Variants in FAM135B observed in about 807,000 individuals in gnomAD.
FAM135B encodes the protein family with sequence similarity 135 member B.
A neutral mutation model predicts 127.7 loss-of-function variants in FAM135B; 43 were observed. The observed-to-expected ratio is 0.34, with a 90% CI of 0.26 to 0.43. The LOEUF is 0.43. Ranked by LOEUF, FAM135B falls within the 20% of genes least tolerant of loss-of-function variation. FAM135B has a pLI of 1.00. For missense variants in FAM135B, 1,558 were observed against 1,725.6 expected, an observed-to-expected ratio of 0.90 and a Z score of 1.72; for synonymous variants, 670 against 665.1, an observed-to-expected ratio of 1.01 and a Z score of -0.11.
chr8:138,367,696 G>A (rs2131214762), intron 2 of FAM135B, among the ~76,000 whole-genome samples: 1 of 152,178 alleles, frequency 6.6e-6, no homozygotes, highest in South Asian at 2.1e-4. Context: ...AGATGAATTA[G>A]CACTTTCTAG....
In FAM135B at chr8:138,235,339, T is replaced by A. The variant is rs143336285; in HGVS notation, c.669+7603A>T. Among the ~76,000 whole-genome samples, 59 of 152,334 alleles carry A rather than the reference T, an allele frequency of 3.9e-4. No homozygotes were observed. In the Middle Eastern group the frequency reaches 0.01, roughly 26 times the overall value. On this transcript the variant is annotated intron_variant, in intron 7 of 19. Transcript: ENST00000395297. ...CATCACAAACCCCTTGCACAGTGCCTGAGACAGAGTTAATGCTTGATTAAT... is the reference window on the plus strand; with the variant it reads ...CATCACAAACCCCTTGCACAGTGCCAGAGACAGAGTTAATGCTTGATTAAT...
At chr8:138,410,296 G>C (rs1420665258) in intron 1 of FAM135B, among the ~76,000 whole-genome samples, 1 of 152,192 alleles carries the variant, frequency 6.6e-6, no homozygotes, top group Non-Finnish European at 1.5e-5. Flanking sequence ...GTAGCAGGCT[G>C]CTTCTAAGAT....
intron 12 of FAM135B, among the ~76,000 whole-genome samples, chr8:138,160,817 T>G (rs1819310215): frequency 8.1e-6 from 1 of 123,034 alleles, no homozygotes; most frequent in Non-Finnish European, 1.7e-5. Context: ...TCAAAACCTG[T>G]CATCCATTAA....
chr8:138,176,422 C>G (rs529281794), intron 11 of FAM135B, among the ~76,000 whole-genome samples: 1 of 152,338 alleles, frequency 6.6e-6, no homozygotes, highest in African/African-American at 2.4e-5. Context: ...TCTCCCAGCT[C>G]TAGCTGGCCA....
In FAM135B at chr8:138,344,357, C is replaced by T. The variant is rs375898601; in HGVS notation, c.77+23550G>A. On this transcript the variant is annotated intron_variant, in intron 2 of 19. Transcript: ENST00000395297. ...AGCCCATCGTAACCCGGCGCCAGCTCGCCTCTCCAGCAGCCATGGTGGCCT... is the reference window on the plus strand; with the variant it reads ...AGCCCATCGTAACCCGGCGCCAGCTTGCCTCTCCAGCAGCCATGGTGGCCT... Among the ~76,000 whole-genome samples the T allele has an allele frequency of 2.0e-4, 31 of 152,260 alleles. No homozygotes were observed. In the East Asian group the frequency reaches 3.9e-3, roughly 19 times the overall value.
At chr8:138,350,145 C>T (rs1216044929) in intron 2 of FAM135B, among the ~76,000 whole-genome samples, 1 of 152,168 alleles carries the variant, frequency 6.6e-6, no homozygotes, top group Non-Finnish European at 1.5e-5. Context: ...CCCAAGCAAA[C>T]TCCTTTGGAT....
chr8:138,328,604 C>G (rs1160420702), intron 2 of FAM135B, among the ~76,000 whole-genome samples: 2 of 152,152 alleles, frequency 1.3e-5, no homozygotes, highest in African/African-American at 2.4e-5. Context: ...CAGACATTTC[C>G]TTCCCAACCA....
intron 6 of FAM135B, among the ~76,000 whole-genome samples, chr8:138,249,441 A>G (rs1286086241): frequency 1.3e-5 from 2 of 152,206 alleles, no homozygotes; most frequent in Non-Finnish European, 2.9e-5. Flanking sequence ...TCACTGAGGG[A>G]AAGATGTATT....
chr8:138,370,597 C>T (rs1831051385), intron 1 of FAM135B, among the ~76,000 whole-genome samples: 1 of 151,980 alleles, frequency 6.6e-6, no homozygotes, highest in Non-Finnish European at 1.5e-5. Context: ...ACTACAGGCA[C>T]CCACCACCAC....
chr8:138,390,651 T>C (rs1832517137), intron 1 of FAM135B, among the ~76,000 whole-genome samples: 1 of 152,174 alleles, frequency 6.6e-6, no homozygotes, highest in African/African-American at 2.4e-5. Flanking sequence ...TAAGTCCTCA[T>C]TCAACACAGC....
intron 2 of FAM135B, among the ~76,000 whole-genome samples, chr8:138,342,952 T>A (rs2131069178): frequency 6.6e-6 from 1 of 152,360 alleles, no homozygotes; most frequent in South Asian, 2.1e-4. Flanking sequence ...GTATAGTGAA[T>A]TCAGAACTGA....
chr8:138,269,827 A>T (rs1160805004), intron 3 of FAM135B, among the ~76,000 whole-genome samples: 1 of 152,198 alleles, frequency 6.6e-6, no homozygotes, highest in African/African-American at 2.4e-5. Context: ...TTACTGAAAA[A>T]TTATCAAAAT....
chr8:138,360,627 C>T (rs528423655), intron 2 of FAM135B, among the ~76,000 whole-genome samples: 4 of 152,356 alleles, frequency 2.6e-5, no homozygotes, highest in Admixed American at 6.5e-5. Context: ...GCAATCTTCA[C>T]TTAGCCTTAA....
At chr8:138,251,765 G>A (rs538297271) in intron 5 of FAM135B, among the ~76,000 whole-genome samples, 8 of 152,224 alleles carry the variant, frequency 5.3e-5, no homozygotes, top group African/African-American at 9.6e-5. Flanking sequence ...GGCCACGTTC[G>A]CCCCCAGGAG....
intron 3 of FAM135B, among the ~76,000 whole-genome samples, chr8:138,298,109 A>T (rs1262373778): frequency 6.6e-6 from 1 of 152,206 alleles, no homozygotes; most frequent in Non-Finnish European, 1.5e-5. Context: ...GGACCTATTC[A>T]TATAACTTAT....
chr8:138,271,089 C>T (rs1046430663), intron 3 of FAM135B, among the ~76,000 whole-genome samples: 4 of 152,120 alleles, frequency 2.6e-5, no homozygotes, highest in Non-Finnish European at 4.4e-5. Flanking sequence ...TTGTGTCAGC[C>T]CAGGGCTTCT....
chr8:138,260,784 T>A (rs907853025), intron 4 of FAM135B, among the ~76,000 whole-genome samples: 1 of 152,054 alleles, frequency 6.6e-6, no homozygotes, highest in African/African-American at 2.4e-5. Context: ...ATGCCCTTGG[T>A]CTCCTGGGCC....
chr8:138,355,153 C>A (rs1003600906), intron 2 of FAM135B, among the ~76,000 whole-genome samples: 2 of 152,102 alleles, frequency 1.3e-5, no homozygotes, highest in Non-Finnish European at 2.9e-5. Context: ...TTGTGGAAGA[C>A]AATGTAGCGA....
chr8:138,314,634 G>T (rs1826932158), intron 2 of FAM135B, among the ~76,000 whole-genome samples: 1 of 151,136 alleles, frequency 6.6e-6, no homozygotes, highest in South Asian at 2.1e-4. Flanking sequence ...ACTTTCGGAG[G>T]CCGAGGCTGG....
Sources: allele counts gnomAD v4.1 joint callset (sites outside exome capture counted in the v4.1 genomes callset), GRCh38; gene constraint gnomAD v4.1.1; transcripts MANE v1.5; gene names NCBI Gene and HGNC (gene_info 2026-07-23, HGNC 2026-07-21).